The following CNTNAP2 variants were observed in gnomAD, a reference collection of about 807,000 sequenced individuals.
CNTNAP2 encodes the protein contactin-associated protein-like 2.
A neutral mutation model predicts 155.2 loss-of-function variants in CNTNAP2; 98 were observed. The observed-to-expected ratio is 0.63, with a 90% CI of 0.54 to 0.75. CNTNAP2 has a LOEUF of 0.75. Ranked by LOEUF, CNTNAP2 falls within the 30% of genes least tolerant of loss-of-function variation. CNTNAP2 has a pLI of 0.00. For synonymous variants in CNTNAP2, 651 were observed against 631.2 expected, an observed-to-expected ratio of 1.03 and a Z score of -0.47; for missense variants, 1,727 against 1,688.1, an observed-to-expected ratio of 1.02 and a Z score of -0.40.
intron 13 of CNTNAP2, among the ~76,000 whole-genome samples, chr7:147,682,735 G>A (rs1028065087): frequency 6.6e-6 from 1 of 151,888 alleles, no homozygotes; most frequent in Non-Finnish European, 1.5e-5. Flanking sequence ...GCCTCATTAT[G>A]CAAAGTGGGG....
At chr7:147,102,675 T>G (rs904105630) in intron 4 of CNTNAP2, among the ~76,000 whole-genome samples, 4 of 152,246 alleles carry the variant, frequency 2.6e-5, no homozygotes, top group Non-Finnish European at 5.9e-5. Flanking sequence ...CTAGATCATT[T>G]TTAAAGGATC....
Position 147,142,517 on chromosome 7 carries a change from A to T in CNTNAP2, c.1348+10008A>T, listed in dbSNP as rs146949207. 9.0e-3 allele frequency among the ~76,000 whole-genome samples: 1,367 copies of T among 152,176 alleles called. 17 individuals carry two copies. Among genetic ancestry groups the T allele is most frequent in the African/African-American group, 0.032 (1,315 of 41,528 alleles). ...ATTTTTGCATCAAAGTTCATCAGGG[A>T]TATTGGTCTAAAATTCTCTTTTTTT... On this transcript the variant is annotated intron_variant, in intron 8 of 23. Transcript: ENST00000361727.
intron 20 of CNTNAP2, among the ~76,000 whole-genome samples, chr7:148,248,446 C>T (rs1428814916): frequency 6.6e-6 from 1 of 152,170 alleles, no homozygotes; most frequent in Non-Finnish European, 1.5e-5. Flanking sequence ...ATCTGCCTGC[C>T]TCGGCCTTCC....
intron 13 of CNTNAP2, among the ~76,000 whole-genome samples, chr7:147,723,891 T>C (rs928134410): frequency 6.6e-6 from 1 of 152,038 alleles, no homozygotes; most frequent in Admixed American, 6.6e-5. Context: ...GTAAACACTT[T>C]TAGAATCCTC....
chr7:147,624,446 A>G (rs2116898115), intron 12 of CNTNAP2, among the ~76,000 whole-genome samples: 1 of 152,306 alleles, frequency 6.6e-6, no homozygotes, highest in South Asian at 2.1e-4. Flanking sequence ...ATAATTGGCC[A>G]AAGACTTAAA....
Position 148,152,435 on chromosome 7 carries a change from G to C in CNTNAP2, c.2773+4726G>C, listed in dbSNP as rs186630654. On this transcript the variant is annotated intron_variant, in intron 17 of 23. Coordinates refer to ENST00000361727, the MANE Select transcript of CNTNAP2 (RefSeq NM_014141.6). ...GTCCCAAGTCTGGATGGAGGCAGGT[G>C]GTTTCCAGAATGCAAAAATCTGAAA... Among the ~76,000 whole-genome samples the C allele has an allele frequency of 3.3e-5, 5 of 151,994 alleles. No individual in the cohort carries two copies. The East Asian group carries it at 9.7e-4, about 30-fold the overall frequency.
intron 1 of CNTNAP2, among the ~76,000 whole-genome samples, chr7:146,235,227 T>C (rs1417134886): frequency 6.8e-6 from 1 of 146,016 alleles, no homozygotes; most frequent in African/African-American, 2.5e-5. Flanking sequence ...TCTACATCCT[T>C]TTTTTTTTTT....
intron 22 of CNTNAP2, among the ~76,000 whole-genome samples, chr7:148,387,922 G>A (rs1194708624): frequency 6.6e-6 from 1 of 152,054 alleles, no homozygotes; most frequent in African/African-American, 2.4e-5. Flanking sequence ...AGATGGCAAT[G>A]AGATTGACTT....
At chr7:148,157,160 A>G (rs1201903141) in intron 17 of CNTNAP2, among the ~76,000 whole-genome samples, 1 of 152,218 alleles carries the variant, frequency 6.6e-6, no homozygotes, top group Non-Finnish European at 1.5e-5. Context: ...TTCTTCATTT[A>G]CATAGGGCAT....
chr7:148,092,920 A>G (rs1042881889), intron 15 of CNTNAP2, among the ~76,000 whole-genome samples: 1 of 151,194 alleles, frequency 6.6e-6, no homozygotes, highest in Non-Finnish European at 1.5e-5. Context: ...GCTTTGGTCC[A>G]GGTGCCTGCC....
chr7:148,140,923 T>G (rs1296115151), intron 16 of CNTNAP2, among the ~76,000 whole-genome samples: 1 of 152,212 alleles, frequency 6.6e-6, no homozygotes, highest in East Asian at 1.9e-4. Flanking sequence ...ATTACACAGT[T>G]CTGAAAATCT....
At chr7:146,627,736 T>C (rs1010264417) in intron 1 of CNTNAP2, among the ~76,000 whole-genome samples, 8 of 152,174 alleles carry the variant, frequency 5.3e-5, no homozygotes, top group African/African-American at 1.9e-4. Context: ...TAATATTCTG[T>C]TCACCAACTT....
At chr7:146,533,692 C>T (rs1797804057) in intron 1 of CNTNAP2, among the ~76,000 whole-genome samples, 2 of 152,066 alleles carry the variant, frequency 1.3e-5, no homozygotes, top group Non-Finnish European at 2.9e-5. Flanking sequence ...TCCTCTCAGT[C>T]CATCTGTGTC....
chr7:146,647,764 C>CT (rs1242219887), intron 1 of CNTNAP2, among the ~76,000 whole-genome samples: 2 of 152,172 alleles, frequency 1.3e-5, no homozygotes, highest in Non-Finnish European at 1.5e-5. Context: ...ATCATTCTCT[C>CT]CTGTCAGCTT....
At chr7:147,566,146 ACT>A (rs1400569054) in intron 12 of CNTNAP2, among the ~76,000 whole-genome samples, 1 of 149,240 alleles carries the variant, frequency 6.7e-6, no homozygotes, top group African/African-American at 2.5e-5. Context: ...AAAAACAAAA[ACT>A]AGCTGGGCAT....
intron 12 of CNTNAP2, among the ~76,000 whole-genome samples, chr7:147,585,141 T>C (rs1800592386): frequency 6.6e-6 from 1 of 152,156 alleles, no homozygotes; most frequent in Non-Finnish European, 1.5e-5. Context: ...TGACCTAATT[T>C]ACTATCTCCA....
chr7:146,998,147 A>C (rs765748294), intron 3 of CNTNAP2, among the ~76,000 whole-genome samples: 2 of 151,612 alleles, frequency 1.3e-5, no homozygotes, highest in Non-Finnish European at 2.9e-5. Flanking sequence ...GAGATTTTTC[A>C]TATACTCTGA....
chr7:146,744,193 A>G (rs1001131621), intron 1 of CNTNAP2, among the ~76,000 whole-genome samples: 1 of 139,284 alleles, frequency 7.2e-6, no homozygotes, highest in African/African-American at 2.8e-5. Context: ...GCACTATTGC[A>G]CTCCAGCCTG....
intron 1 of CNTNAP2, among the ~76,000 whole-genome samples, chr7:146,265,520 G>A (rs749592727): frequency 7.4e-5 from 11 of 148,496 alleles, no homozygotes; most frequent in Non-Finnish European, 8.9e-5. Context: ...GTGCAGTGGT[G>A]TGATCTCAGC....
Sources: allele counts gnomAD v4.1 joint callset (sites outside exome capture counted in the v4.1 genomes callset), GRCh38; gene constraint gnomAD v4.1.1; transcripts MANE v1.5; gene names NCBI Gene and HGNC (gene_info 2026-07-23, HGNC 2026-07-21).